The following SLBP variants were observed in gnomAD, a reference collection of about 807,000 sequenced individuals.
SLBP encodes the protein histone RNA hairpin-binding protein.
SLBP carries 29 observed loss-of-function variants against 39.2 expected under a neutral mutation model. The ratio of observed to expected loss-of-function variants is 0.74; its 90% CI spans 0.55 to 1.01. The LOEUF is 1.01. Among genes scored for constraint, SLBP ranks in the 50% least tolerant of loss-of-function variants. SLBP has a pLI of 0.00. For synonymous variants in SLBP, 129 were observed against 118.7 expected (o/e 1.09, Z -0.57); for missense variants, 390 against 350.2 (o/e 1.11, Z -0.91).
chr4:1,696,293 G>T lies in SLBP; in HGVS notation c.538C>A (p.Arg180=). 1 of 1,601,806 alleles carries T rather than the reference G, an allele frequency of 6.2e-7. No individual in the cohort carries two copies. Among genetic ancestry groups the T allele is most frequent in the African/African-American group, 1.3e-5 (1 of 74,248 alleles). Residue 180 remains arginine, a synonymous_variant, in exon 6 of 8, where the codon CGA becomes AGA. Transcript: ENST00000489418. ...TTGATTTGCTGGTCCCATGAACGTC[G>T]ACTATACTTCTTAAATTTATTAGGG... ...KTPNKFKKYS[R]RSWDQQIKLW...
At chr4:1,702,634 CAA>C (rs896876749) in intron 3 of SLBP, among the ~76,000 whole-genome samples, 4 of 152,104 alleles carry the variant, frequency 2.6e-5, no homozygotes, top group African/African-American at 7.2e-5. Flanking sequence ...GACAACTCAT[CAA>C]AAGAGAAAGG....
Position 1,712,226 on chromosome 4 carries a change from T to C in SLBP, c.-38A>G. ...CGGGCGCGCAGCGCAGGGCCGAGGCTGAGGCGGCGGCGGCGCGGGCAGAGA... is the reference window on the plus strand; with the variant it reads ...CGGGCGCGCAGCGCAGGGCCGAGGCCGAGGCGGCGGCGGCGCGGGCAGAGA... On this transcript the variant is annotated 5_prime_UTR_variant, in exon 1 of 8. Coordinates refer to ENST00000489418, the MANE Select transcript of SLBP (RefSeq NM_006527.4). 8.1e-7 allele frequency: 1 copy of C among 1,227,012 alleles called. No homozygotes were observed. Among genetic ancestry groups the C allele is most frequent in the Non-Finnish European group, 1.0e-6 (1 of 966,946 alleles). 76.0% of individuals were successfully genotyped at this position (1,227,012 alleles called of 1,614,324 possible).
chr4:1,708,441 G>C (rs1460261432), intron 2 of SLBP, among the ~76,000 whole-genome samples: 2 of 152,166 alleles, frequency 1.3e-5, no homozygotes, highest in African/African-American at 4.8e-5. Context: ...TAAATTTCCA[G>C]ATTCTAAAAA....
chr4:1,711,953 G>A lies in SLBP; in HGVS notation c.97C>T (p.Arg33Cys). ...CTCCAGCGCCTGCCGTCGGCTCTGCGCTTCCGTCCCAGGCTCCATCGCGCG... is the reference window on the plus strand; with the variant it reads ...CTCCAGCGCCTGCCGTCGGCTCTGCACTTCCGTCCCAGGCTCCATCGCGCG... ...SPARWSLGRK[R>C]RADGRRWRPE... The change falls in exon 2 of 8, where the codon CGC becomes TGC. Residue 33 changes from arginine to cysteine, a missense_variant. Transcript: ENST00000489418. 6 of 1,334,040 alleles carry A rather than the reference G, an allele frequency of 4.5e-6. No homozygotes were observed. The highest frequency in any genetic ancestry group is 5.7e-6 in the Non-Finnish European group (6 of 1,044,472). 82.6% of individuals were successfully genotyped at this position (1,334,040 alleles called of 1,614,324 possible). A position where few individuals can be genotyped will look rare whatever the true frequency, so the allele number is the denominator to read the frequency against.
At chr4:1,710,075 C>T (rs1382668570) in intron 2 of SLBP, among the ~76,000 whole-genome samples, 1 of 152,058 alleles carries the variant, frequency 6.6e-6, no homozygotes, top group Non-Finnish European at 1.5e-5. Context: ...AATGGGGTTT[C>T]TCCATGTTAG....
chr4:1,705,701 G>T (rs1716490927), intron 2 of SLBP, among the ~76,000 whole-genome samples: 1 of 152,160 alleles, frequency 6.6e-6, no homozygotes, highest in Non-Finnish European at 1.5e-5. Context: ...TCTGCAAATG[G>T]TCCTGTAACG....
rs529457145 is a variant in SLBP at position 1,693,338 on chromosome 4, C to T, written c.*259G>A. 7.1e-5 allele frequency: 26 copies of T among 363,914 alleles called. 1 individual carries two copies. The highest frequency in any genetic ancestry group is 6.8e-4 in the South Asian group (21 of 30,930). The allele number at this position is 363,914 out of a possible 1,614,324, so 22.5% of individuals were successfully genotyped here. Reference sequence around the variant, plus strand: ...TTACCCTGGAGGACAACAGGGATTACGCAATTAAGCTCGCTGGAAGAGAGC... The same window carrying T: ...TTACCCTGGAGGACAACAGGGATTATGCAATTAAGCTCGCTGGAAGAGAGC... On this transcript the variant is annotated 3_prime_UTR_variant, in exon 8 of 8. Coordinates refer to ENST00000489418, the MANE Select transcript of SLBP (RefSeq NM_006527.4).
Position 1,692,855 on chromosome 4 carries a change from AAC to A in SLBP, c.*740_*741del, listed in dbSNP as rs1192148781. 5 of 152,762 alleles carry A rather than the reference AAC, an allele frequency of 3.3e-5. No individual in the cohort carries two copies. The highest frequency in any genetic ancestry group is 1.2e-4 in the African/African-American group (5 of 41,580). 9.5% of individuals were successfully genotyped at this position (152,762 alleles called of 1,614,324 possible). On this transcript the variant is annotated 3_prime_UTR_variant, in exon 8 of 8. Coordinates refer to ENST00000489418, the MANE Select transcript of SLBP (RefSeq NM_006527.4). Reference sequence around the variant, plus strand: ...TCCCATACAAAAGCAATAGAAACGTAACAGTCTTAACAAGAAGTTTACAATTG... The same window carrying A: ...TCCCATACAAAAGCAATAGAAACGTAAGTCTTAACAAGAAGTTTACAATTG...
intron 2 of SLBP, among the ~76,000 whole-genome samples, chr4:1,710,880 T>C (rs563301308): frequency 6.7e-6 from 1 of 149,790 alleles, no homozygotes; most frequent in Non-Finnish European, 1.5e-5. Context: ...TGAAACCCTG[T>C]CTCTACTACA....
chr4:1,703,477 T>C (rs1716406168), intron 3 of SLBP, 119 bp downstream of exon 3: 1 of 696,132 alleles, frequency 1.4e-6, no homozygotes, highest in Admixed American at 2.2e-5. Flanking sequence ...CAGGAAATGT[T>C]GATGCCTTTG....
intron 2 of SLBP, among the ~76,000 whole-genome samples, chr4:1,710,483 G>A (rs571507299): frequency 6.6e-6 from 1 of 152,330 alleles, no homozygotes; most frequent in South Asian, 2.1e-4. Context: ...TTTAGCTAAT[G>A]TTAAGGACAT....
intron 5 of SLBP, among the ~76,000 whole-genome samples, chr4:1,696,644 T>C (rs961190247): frequency 6.6e-5 from 10 of 152,026 alleles, no homozygotes; most frequent in African/African-American, 2.4e-4. Context: ...ACACCTATAA[T>C]CCTAGCATTT....
chr4:1,700,371 T>C (rs1716279381), intron 3 of SLBP, among the ~76,000 whole-genome samples: 1 of 152,194 alleles, frequency 6.6e-6, no homozygotes, highest in Admixed American at 6.5e-5. Context: ...ACTGCATACC[T>C]TCTCCAATCC....
At chr4:1,699,759 A>G in intron 4 of SLBP, 58 bp from the exon 5 acceptor site, 1 of 1,511,988 alleles carries the variant, frequency 6.6e-7, no homozygotes, top group South Asian at 1.1e-5. Flanking sequence ...CATGTATGTA[A>G]GGTAAGCCAA....
intron 6 of SLBP, among the ~76,000 whole-genome samples, chr4:1,695,298 A>C (rs1716065820): frequency 6.6e-6 from 1 of 152,228 alleles, no homozygotes; most frequent in South Asian, 2.1e-4. Context: ...TCTCTAAAAA[A>C]TTTCCCAGCA....
At chr4:1,699,471 C>A (rs1376019414) in intron 5 of SLBP, 93 bp downstream of exon 5, 1 of 1,244,566 alleles carries the variant, frequency 8.0e-7, no homozygotes, top group Non-Finnish European at 1.2e-6. Context: ...TGTGAACTAT[C>A]CCCAGCATCA....
At chr4:1,703,798 G>C (rs1716419346) in intron 2 of SLBP, 98 bp from the exon 3 acceptor site, 1 of 885,624 alleles carries the variant, frequency 1.1e-6, no homozygotes, top group Non-Finnish European at 1.9e-6. Context: ...GGACACAGTG[G>C]CTTGTGCCTG....
rs1715990713 is a variant in SLBP, at chr4:1,693,450, A to G, written c.*147T>C. ...ATACATAAAATTAATGTTTCTTAAG[A>G]AAGTAAGGCAAAAATAATTCAGCAT... On this transcript the variant is annotated 3_prime_UTR_variant, in exon 8 of 8. Transcript: ENST00000489418. 1.1e-5 allele frequency: 7 copies of G among 633,788 alleles called. No homozygotes were observed. The highest frequency in any genetic ancestry group is 2.0e-5 in the Non-Finnish European group (7 of 350,566). The allele number at this position is 633,788 out of a possible 1,614,324, so 39.3% of individuals were successfully genotyped here. A position where few individuals can be genotyped will look rare whatever the true frequency, so the allele number is the denominator to read the frequency against.
At chr4:1,696,407 T>C in intron 5 of SLBP, 56 bp from the exon 6 acceptor site, 1 of 1,402,638 alleles carries the variant, frequency 7.1e-7, no homozygotes, top group South Asian at 1.5e-5. Flanking sequence ...ATTTCCACAT[T>C]AGCCTGAAGA....
Sources: allele counts gnomAD v4.1 joint callset (sites outside exome capture counted in the v4.1 genomes callset), GRCh38; gene constraint gnomAD v4.1.1; transcripts MANE v1.5; gene names NCBI Gene and HGNC (gene_info 2026-07-23, HGNC 2026-07-21).